The following MARK3 variants were observed in gnomAD, a reference collection of about 807,000 sequenced individuals.
The protein encoded by MARK3 is MAP/microtubule affinity-regulating kinase 3.
MARK3 carries 46 observed loss-of-function variants against 90.1 expected under a neutral mutation model. The observed-to-expected ratio is 0.51, with a 90% confidence interval of 0.40 to 0.65. MARK3 has a LOEUF of 0.65. Ranked by LOEUF, MARK3 falls within the 30% of genes least tolerant of loss-of-function variation. The probability of loss-of-function intolerance (pLI) is 0.00; values close to 1 mark genes in which losing one functional copy is unlikely to be tolerated. For missense variants in MARK3, 818 were observed against 947.2 expected (o/e 0.86, Z 1.79); for synonymous variants, 321 against 332.6 (o/e 0.97, Z 0.38).
At chr14:103,390,045 G>A (rs7160888) in intron 1 of MARK3, among the ~76,000 whole-genome samples, 27,478 of 150,482 alleles carry the variant, frequency 0.18, 3,076 homozygotes, top group East Asian at 0.47. Flanking sequence ...TCAGGAGATC[G>A]AGACCATCCT....
At chr14:103,409,845 G>A (rs1253754720) in intron 2 of MARK3, among the ~76,000 whole-genome samples, 1 of 152,094 alleles carries the variant, frequency 6.6e-6, no homozygotes, top group Non-Finnish European at 1.5e-5. Flanking sequence ...GGGCATTAGG[G>A]TTGTTTCTAA....
chr14:103,465,882 C>G (rs568240298), intron 8 of MARK3, 89 bp downstream of exon 8: 1 of 1,544,868 alleles, frequency 6.5e-7, no homozygotes, highest in Non-Finnish European at 8.8e-7. Context: ...TATATCAGTG[C>G]GGGGGGTTTC....
At chr14:103,453,210 G>T (rs1457291868) in intron 5 of MARK3, among the ~76,000 whole-genome samples, 1 of 152,150 alleles carries the variant, frequency 6.6e-6, no homozygotes, top group Non-Finnish European at 1.5e-5. Context: ...ATTGGGCTGG[G>T]TTTGTAGTTT....
intron 12 of MARK3, among the ~76,000 whole-genome samples, chr14:103,470,960 T>A (rs1430523067): frequency 6.6e-6 from 1 of 152,150 alleles, no homozygotes; most frequent in Non-Finnish European, 1.5e-5. Flanking sequence ...TGTACTAATA[T>A]CACTAGTAAA....
chr14:103,398,407 C>T (rs1021870086), intron 1 of MARK3, among the ~76,000 whole-genome samples: 2 of 152,190 alleles, frequency 1.3e-5, no homozygotes, highest in African/African-American at 4.8e-5. Context: ...ACTTGTATTT[C>T]TCTCTGATTT....
At chr14:103,496,242 G>A (rs2756135) in intron 15 of MARK3, among the ~76,000 whole-genome samples, 52,091 of 152,030 alleles carry the variant, frequency 0.34, 9,410 homozygotes, top group East Asian at 0.5. Context: ...GTTAAGAAAA[G>A]CACTTCTATA....
intron 15 of MARK3, among the ~76,000 whole-genome samples, chr14:103,496,872 C>T (rs2075371714): frequency 6.6e-6 from 1 of 151,460 alleles, no homozygotes; most frequent in South Asian, 2.1e-4. Flanking sequence ...AGACCCCCAT[C>T]TCTACAAAAA....
intron 1 of MARK3, among the ~76,000 whole-genome samples, chr14:103,403,381 T>C (rs2091089151): frequency 6.6e-6 from 1 of 151,086 alleles, no homozygotes; most frequent in African/African-American, 2.4e-5. Flanking sequence ...TGTAACTCAG[T>C]AAATATTCAA....
chr14:103,432,229 A>G (rs908052972), intron 3 of MARK3, among the ~76,000 whole-genome samples: 1 of 152,232 alleles, frequency 6.6e-6, no homozygotes, highest in Non-Finnish European at 1.5e-5. Flanking sequence ...TTTAACCACC[A>G]TTCTTAAATC....
intron 2 of MARK3, among the ~76,000 whole-genome samples, chr14:103,409,740 T>C (rs550113197): frequency 6.6e-6 from 1 of 152,256 alleles, no homozygotes; most frequent in African/African-American, 2.4e-5. Context: ...ACCTTGACCA[T>C]GTCTGGGTCT....
intron 3 of MARK3, among the ~76,000 whole-genome samples, chr14:103,447,547 A>T (rs547745862): frequency 6.6e-6 from 1 of 152,176 alleles, no homozygotes; most frequent in Admixed American, 6.5e-5. Flanking sequence ...ACAGAAGGAT[A>T]GCAGGACCTT....
chr14:103,391,393 T>C (rs2090231044), intron 1 of MARK3, among the ~76,000 whole-genome samples: 1 of 152,192 alleles, frequency 6.6e-6, no homozygotes. Flanking sequence ...AGATAAAGCC[T>C]GTTTTAAGAA....
At chr14:103,410,386 C>T (rs143147800) in intron 2 of MARK3, among the ~76,000 whole-genome samples, 6 of 152,268 alleles carry the variant, frequency 3.9e-5, no homozygotes, top group East Asian at 1.9e-4. Flanking sequence ...ACAGCAATTA[C>T]GTTTCACCAT....
chr14:103,500,059 T>C, intron 16 of MARK3, 97 bp from the exon 17 acceptor site: 1 of 928,114 alleles, frequency 1.1e-6, no homozygotes, highest in Non-Finnish European at 1.7e-6. Flanking sequence ...TTTGTTCATT[T>C]TATGGTGTTG....
intron 3 of MARK3, among the ~76,000 whole-genome samples, chr14:103,436,693 G>T (rs756693986): frequency 2.0e-5 from 3 of 152,158 alleles, no homozygotes; most frequent in Non-Finnish European, 4.4e-5. Context: ...GCTCACTGTA[G>T]CCTGGAACTT....
chr14:103,396,110 G>C (rs1041599219), intron 1 of MARK3, among the ~76,000 whole-genome samples: 2 of 152,054 alleles, frequency 1.3e-5, no homozygotes, highest in African/African-American at 4.8e-5. Flanking sequence ...CAAGCCCAGA[G>C]ACTTTCCATT....
intron 14 of MARK3, among the ~76,000 whole-genome samples, chr14:103,481,919 A>G (rs1432257653): frequency 6.6e-6 from 1 of 150,558 alleles, no homozygotes. Context: ...GGCGCCTGCC[A>G]CCACTCCCAG....
intron 3 of MARK3, among the ~76,000 whole-genome samples, chr14:103,444,350 G>A (rs2092939201): frequency 6.6e-6 from 1 of 152,150 alleles, no homozygotes; most frequent in Non-Finnish European, 1.5e-5. Context: ...ATGTGAAAAT[G>A]TGTGGAGGAT....
intron 1 of MARK3, among the ~76,000 whole-genome samples, chr14:103,402,467 G>C (rs1012628492): frequency 6.6e-6 from 1 of 151,774 alleles, no homozygotes; most frequent in African/African-American, 2.4e-5. Flanking sequence ...CAGGAGAATT[G>C]CTTCAACCTG....
Sources: allele counts gnomAD v4.1 joint callset (sites outside exome capture counted in the v4.1 genomes callset), GRCh38; gene constraint gnomAD v4.1.1; transcripts MANE v1.5; gene names NCBI Gene and HGNC (gene_info 2026-07-23, HGNC 2026-07-21).